The following PTPRG variants were observed in gnomAD, a reference collection of about 807,000 sequenced individuals.
PTPRG encodes the protein protein tyrosine phosphatase receptor type G, also known as receptor-type tyrosine-protein phosphatase gamma.
In PTPRG, 102 loss-of-function variants were observed where a neutral mutation model predicts 165.3. That is an observed-to-expected ratio of 0.62 (90% CI 0.53 to 0.73). The LOEUF is 0.73. Ranked by LOEUF, PTPRG falls within the 30% of genes least tolerant of loss-of-function variation. The pLI is 0.00. For synonymous variants in PTPRG, 675 were observed against 669.5 expected (o/e 1.01, Z -0.13); for missense variants, 1,866 against 1,861.4 (o/e 1.00, Z -0.05).
chr3:62,025,995 C>T (rs1384898168), intron 4 of PTPRG, among the ~76,000 whole-genome samples: 1 of 152,120 alleles, frequency 6.6e-6, no homozygotes, highest in African/African-American at 2.4e-5. Flanking sequence ...ATTTCTTTTT[C>T]AATAAAGGGT....
intron 3 of PTPRG, among the ~76,000 whole-genome samples, chr3:61,997,632 G>C (rs1168626681): frequency 3.3e-5 from 5 of 152,170 alleles, no homozygotes; most frequent in Non-Finnish European, 7.3e-5. Flanking sequence ...CCACTAGCAG[G>C]TTTGCTTCTG....
chr3:61,739,679 G>A (rs2032903921), intron 1 of PTPRG, among the ~76,000 whole-genome samples: 1 of 152,164 alleles, frequency 6.6e-6, no homozygotes, highest in East Asian at 1.9e-4. Context: ...TGTATTGATG[G>A]TAATTTTAAT....
intron 1 of PTPRG, among the ~76,000 whole-genome samples, chr3:61,673,071 G>T (rs1290869346): frequency 1.3e-5 from 2 of 152,080 alleles, no homozygotes; most frequent in African/African-American, 2.4e-5. Context: ...GAGGTGGAGT[G>T]TATCACTCGA....
At chr3:62,021,234 A>G (rs867295308) in intron 4 of PTPRG, among the ~76,000 whole-genome samples, 1 of 152,234 alleles carries the variant, frequency 6.6e-6, no homozygotes, top group South Asian at 2.1e-4. Flanking sequence ...ATGTGGATGC[A>G]ATACATTGTT....
At chr3:61,617,350 C>T (rs192946029) in intron 1 of PTPRG, among the ~76,000 whole-genome samples, 2 of 152,168 alleles carry the variant, frequency 1.3e-5, no homozygotes, top group African/African-American at 4.8e-5. Flanking sequence ...AATGGCTCTT[C>T]TACTGCTTCT....
At chr3:61,766,941 G>A (rs979068611) in intron 2 of PTPRG, among the ~76,000 whole-genome samples, 1 of 150,062 alleles carries the variant, frequency 6.7e-6, no homozygotes, top group African/African-American at 2.4e-5. Flanking sequence ...TATTAAACAT[G>A]TTACTTAGAA....
intron 2 of PTPRG, among the ~76,000 whole-genome samples, chr3:61,803,649 T>C (rs1575676558): frequency 6.6e-6 from 1 of 152,192 alleles, no homozygotes; most frequent in East Asian, 1.9e-4. Context: ...TCCTGAATGT[T>C]GCACTTTTAC....
intron 6 of PTPRG, among the ~76,000 whole-genome samples, chr3:62,156,205 C>A (rs1704532106): frequency 6.6e-6 from 1 of 152,324 alleles, no homozygotes; most frequent in African/African-American, 2.4e-5. Flanking sequence ...TGCCCCCACC[C>A]TTGCATTTTC....
chr3:61,753,736 G>A, intron 2 of PTPRG: 1 of 376,082 alleles, frequency 2.7e-6, no homozygotes, highest in South Asian at 2.0e-5. Context: ...TGGGATTATA[G>A]GTGTGCACAA....
chr3:62,031,543 C>T lies in PTPRG; in HGVS notation c.519+28046C>T, dbSNP rs187275208. On this transcript the variant is annotated intron_variant, in intron 4 of 29. Transcript: ENST00000474889. Reference sequence around the variant, plus strand: ...TAAGGGAGATGAGAATCCTTCGAAGCGTTCTGAAGAAGGAAGTAGCGCAGT... The same window carrying T: ...TAAGGGAGATGAGAATCCTTCGAAGTGTTCTGAAGAAGGAAGTAGCGCAGT... Among the ~76,000 whole-genome samples, 94 of 152,194 alleles carry T rather than the reference C, an allele frequency of 6.2e-4. 1 individual carries two copies. The highest frequency in any genetic ancestry group is 2.2e-3 in the African/African-American group (90 of 41,524).
chr3:62,271,427 G>A lies in PTPRG; in HGVS notation c.3054G>A (p.Val1018=). 3 of 1,613,106 alleles carry A rather than the reference G, an allele frequency of 1.9e-6. No homozygotes were observed. Among genetic ancestry groups the A allele is most frequent in the South Asian group, 2.2e-5 (2 of 90,930 alleles). The part of the protein sequence containing the change: ...NPKGRQNERV[V]IQYHYTQWPD... ...AGGGTCGTCAGAATGAAAGGGTAGT[G>A]ATCCAGTATCACTATACACAGTGGC... is the stretch of plus-strand genomic sequence containing the variant. The change falls in exon 21 of 30, where the codon GTG becomes GTA. Residue 1018 remains valine, a synonymous_variant. Transcript: ENST00000474889. This position sits in a 1 kb window ranked among gnomAD's most constrained non-coding sequence, Gnocchi z 4.1.
chr3:62,028,915 C>T (rs1024534520), intron 4 of PTPRG, among the ~76,000 whole-genome samples: 2 of 152,152 alleles, frequency 1.3e-5, no homozygotes, highest in African/African-American at 4.8e-5. Context: ...TGAGTTGATA[C>T]TCACTGAGAG....
chr3:62,157,876 C>G (rs1298446780), intron 7 of PTPRG, among the ~76,000 whole-genome samples: 3 of 152,174 alleles, frequency 2.0e-5, no homozygotes, highest in African/African-American at 7.2e-5. Flanking sequence ...GCACTTTATA[C>G]ATATCAACTT....
intron 1 of PTPRG, among the ~76,000 whole-genome samples, chr3:61,683,289 C>CCGAATGG (rs1393110376): frequency 6.6e-6 from 1 of 152,216 alleles, no homozygotes; most frequent in African/African-American, 2.4e-5. Context: ...GCCAGCAGAG[C>CCGAATGG]CGAATGGCGT....
intron 1 of PTPRG, among the ~76,000 whole-genome samples, chr3:61,683,425 C>T (rs1180788091): frequency 7.2e-6 from 1 of 138,914 alleles, no homozygotes; most frequent in Non-Finnish European, 1.6e-5. Flanking sequence ...GATTCTAAGT[C>T]AAGGATGTGT....
At chr3:61,672,273 C>G (rs543083393) in intron 1 of PTPRG, among the ~76,000 whole-genome samples, 21 of 130,766 alleles carry the variant, frequency 1.6e-4, no homozygotes, top group Non-Finnish European at 3.1e-4. Flanking sequence ...ACATCCCAGA[C>G]GATGGGCGGC....
Position 61,565,542 on chromosome 3 carries a change from A to T in PTPRG, c.85+3170A>T, listed in dbSNP as rs377599591. On this transcript the variant is annotated intron_variant, in intron 1 of 29. Coordinates refer to ENST00000474889, the MANE Select transcript of PTPRG (RefSeq NM_002841.4). ...ATCACTGGGAATTTAATTGCCTCTG[A>T]CACAGTATAAAATATGTTACTTCAG... Among the ~76,000 whole-genome samples the T allele has an allele frequency of 3.3e-5, 5 of 152,164 alleles. No homozygotes were observed. In the South Asian group the frequency reaches 6.2e-4, roughly 19 times the overall value.
chr3:61,785,122 G>A (rs757766334), intron 2 of PTPRG, among the ~76,000 whole-genome samples: 55 of 152,262 alleles, frequency 3.6e-4, no homozygotes, highest in Non-Finnish European at 6.6e-4. Flanking sequence ...CTTCTAACAG[G>A]CAACTGCTAA....
At chr3:62,012,955 A>G (rs1410372986) in intron 4 of PTPRG, among the ~76,000 whole-genome samples, 2 of 152,202 alleles carry the variant, frequency 1.3e-5, no homozygotes, top group Non-Finnish European at 2.9e-5. Context: ...ATTTTTAATC[A>G]CTGAGAGCAA....
Sources: allele counts gnomAD v4.1 joint callset (sites outside exome capture counted in the v4.1 genomes callset), GRCh38; gene constraint gnomAD v4.1.1; non-coding constraint Gnocchi (gnomAD v3.1); transcripts MANE v1.5; gene names NCBI Gene and HGNC (gene_info 2026-07-23, HGNC 2026-07-21).